Variants in RBM47 observed in about 807,000 individuals in gnomAD.
RBM47 encodes the protein RNA binding motif protein 47.
In RBM47, 21 loss-of-function variants were observed where a neutral mutation model predicts 47.1. The observed-to-expected ratio is 0.45, with a 90% confidence interval of 0.32 to 0.64. The LOEUF (loss-of-function observed/expected upper bound fraction) is 0.64, where lower values mean the gene tolerates loss of function less well. Among genes scored for constraint, RBM47 ranks in the 30% least tolerant of loss-of-function variants. RBM47 has a pLI of 0.05. For missense variants in RBM47, 708 were observed against 870.9 expected, an observed-to-expected ratio of 0.81 and a Z score of 2.35; for synonymous variants, 375 against 361.7, an observed-to-expected ratio of 1.04 and a Z score of -0.42.
chr4:40,452,865 A>T (rs1313405949), intron 3 of RBM47, among the ~76,000 whole-genome samples: 1 of 136,430 alleles, frequency 7.3e-6, no homozygotes, highest in Non-Finnish European at 1.6e-5. Flanking sequence ...TTTTTTTAAG[A>T]CAGAGTCTGA....
At position 40,592,960 on chromosome 4, in the gene RBM47, TATATATATATATATATATA is replaced by T. The variant is rs1412569457; in HGVS notation, c.-240+36417_-240+36435del. Among the ~76,000 whole-genome samples, 56 of 15,628 alleles carry T rather than the reference TATATATATATATATATATA, an allele frequency of 3.6e-3. 2 individuals carry two copies. The highest frequency in any genetic ancestry group is 8.3e-3 in the African/African-American group (34 of 4,110). 10.3% of individuals were successfully genotyped at this position (15,628 alleles called of 152,430 possible). On this transcript the variant is annotated intron_variant, in intron 1 of 6. Coordinates refer to ENST00000295971, the MANE Select transcript of RBM47 (RefSeq NM_001098634.2). The stretch of plus-strand genomic sequence containing the variant: ...ACATATATATATATATATATATATA[TATATATATATATATATATA>T]TTTTTTTTTTTTTTTTTTTTTTTTT...
intron 1 of RBM47, among the ~76,000 whole-genome samples, chr4:40,574,245 A>G (rs1049351671): frequency 2.0e-5 from 3 of 152,234 alleles, no homozygotes; most frequent in Non-Finnish European, 4.4e-5. Flanking sequence ...TCATTATTTC[A>G]GAAATAGACT....
intron 1 of RBM47, among the ~76,000 whole-genome samples, chr4:40,562,461 A>G (rs1415923455): frequency 8.8e-6 from 1 of 113,750 alleles, no homozygotes; most frequent in Non-Finnish European, 1.8e-5. Context: ...ACTTCTCCCT[A>G]TTTTTTTTTT....
chr4:40,623,181 G>GT (rs1737425046), intron 1 of RBM47, among the ~76,000 whole-genome samples: 1 of 152,156 alleles, frequency 6.6e-6, no homozygotes, highest in Non-Finnish European at 1.5e-5. Context: ...GGCAGTTTCT[G>GT]TTTACTCATT....
rs779152879 is a variant in RBM47, at chr4:40,438,342, G to A, written c.552C>T (p.Tyr184=). 1.1e-5 allele frequency: 18 copies of A among 1,610,550 alleles called. No individual in the cohort carries two copies. Among genetic ancestry groups the A allele is most frequent in the African/African-American group, 5.3e-5 (4 of 74,930 alleles). Residue 184 remains tyrosine, a synonymous_variant, in exon 4 of 7, where the codon TAC becomes TAT. Coordinates refer to ENST00000295971, the MANE Select transcript of RBM47 (RefSeq NM_001098634.2). The part of the protein sequence containing the change: ...VTEGVLDVIV[Y]ASAADKMKNR... The stretch of plus-strand genomic sequence containing the variant: ...TCTTCATCTTGTCGGCCGCGCTGGC[G>A]TAGACGATCACGTCCAGCACGCCCT...
At chr4:40,476,057 C>T (rs1331540914) in intron 2 of RBM47, among the ~76,000 whole-genome samples, 1 of 152,118 alleles carries the variant, frequency 6.6e-6, no homozygotes, top group Non-Finnish European at 1.5e-5. Flanking sequence ...ACCCAAATAA[C>T]GACCGTAAGG....
At chr4:40,562,674 C>T (rs1214960105) in intron 1 of RBM47, among the ~76,000 whole-genome samples, 1 of 152,058 alleles carries the variant, frequency 6.6e-6, no homozygotes, top group Non-Finnish European at 1.5e-5. Context: ...CCATGTTAGC[C>T]AGGCTGTTCT....
intron 1 of RBM47, among the ~76,000 whole-genome samples, chr4:40,557,654 C>G (rs1283141695): frequency 1.3e-5 from 2 of 152,086 alleles, no homozygotes; most frequent in Non-Finnish European, 2.9e-5. Context: ...GATGCTGAAG[C>G]AGGAGAATCG....
chr4:40,481,276 CTTTT>C (rs1236509834), intron 2 of RBM47, among the ~76,000 whole-genome samples: 1 of 119,520 alleles, frequency 8.4e-6, no homozygotes, highest in Admixed American at 8.5e-5. Flanking sequence ...TTGTTTCTTT[CTTTT>C]TTTTTTTTTT....
chr4:40,610,179 C>T (rs1342302685), intron 1 of RBM47, among the ~76,000 whole-genome samples: 1 of 152,162 alleles, frequency 6.6e-6, no homozygotes, highest in Non-Finnish European at 1.5e-5. Flanking sequence ...GGTTCAACTC[C>T]GAGTTCTGCC....
At chr4:40,551,906 C>A (rs1729602698) in intron 1 of RBM47, among the ~76,000 whole-genome samples, 1 of 151,904 alleles carries the variant, frequency 6.6e-6, no homozygotes, top group African/African-American at 2.4e-5. Flanking sequence ...GCCTTGGCCT[C>A]CCAAAGCGCT....
chr4:40,588,301 C>T (rs954434896), intron 1 of RBM47, among the ~76,000 whole-genome samples: 3 of 152,114 alleles, frequency 2.0e-5, no homozygotes, highest in African/African-American at 7.2e-5. Context: ...TAAAATGCAA[C>T]GCTCCTCAAC....
chr4:40,465,904 T>C (rs1717941007), intron 3 of RBM47, among the ~76,000 whole-genome samples: 2 of 152,114 alleles, frequency 1.3e-5, no homozygotes, highest in African/African-American at 4.8e-5. Flanking sequence ...ACTATCACAC[T>C]GAATCCTAGT....
rs1033914733 is a variant in RBM47, at chr4:40,424,512, A to G, written c.*1392T>C. On this transcript the variant is annotated 3_prime_UTR_variant, in exon 7 of 7. Transcript: ENST00000295971. Reference sequence around the variant, plus strand: ...ATGGTTTCATTTTGCATTAAACTACATACCATGAACTTCTCCAACATAAAA... The same window carrying G: ...ATGGTTTCATTTTGCATTAAACTACGTACCATGAACTTCTCCAACATAAAA... The G allele has an allele frequency of 6.6e-6, 1 of 152,512 alleles. No individual in the cohort carries two copies. The highest frequency in any genetic ancestry group is 1.5e-5 in the Non-Finnish European group (1 of 68,032). 9.4% of individuals were successfully genotyped at this position (152,512 alleles called of 1,614,324 possible). A position where few individuals can be genotyped will look rare whatever the true frequency, so the allele number is the denominator to read the frequency against.
At chr4:40,454,363 T>C (rs1330604312) in intron 3 of RBM47, among the ~76,000 whole-genome samples, 1 of 152,234 alleles carries the variant, frequency 6.6e-6, no homozygotes, top group African/African-American at 2.4e-5. Context: ...GTAATAATTA[T>C]CGCTATCTCA....
At chr4:40,598,870 T>C (rs1354504670) in intron 1 of RBM47, among the ~76,000 whole-genome samples, 1 of 141,544 alleles carries the variant, frequency 7.1e-6, no homozygotes, top group Non-Finnish European at 1.5e-5. Context: ...AAAAAAAGAG[T>C]TGGGGAGGAG....
In RBM47 at chr4:40,541,601, G is replaced by A. The variant is rs1035407669; in HGVS notation, c.-155+2821C>T. On this transcript the variant is annotated intron_variant, in intron 2 of 6. Transcript: ENST00000295971. ...AAAAATACAACAAATTAGCCGGTGT[G>A]GTGGCGCATGCCTATAATCCCAGCT... Among the ~76,000 whole-genome samples the A allele has an allele frequency of 3.3e-5, 5 of 152,264 alleles. No homozygotes were observed. The South Asian group carries it at 1.0e-3, about 32-fold the overall frequency.
chr4:40,448,054 A>T (rs1402270010), intron 3 of RBM47, among the ~76,000 whole-genome samples: 1 of 151,032 alleles, frequency 6.6e-6, no homozygotes, highest in African/African-American at 2.4e-5. Flanking sequence ...ACAAGTAGCC[A>T]GGCATGGTGG....
At chr4:40,609,461 C>T (rs1024191656) in intron 1 of RBM47, among the ~76,000 whole-genome samples, 2 of 151,182 alleles carry the variant, frequency 1.3e-5, no homozygotes, top group African/African-American at 2.4e-5. Flanking sequence ...TACAGGCACC[C>T]GCCACCACGC....
Sources: gnomAD v4.1 joint callset for allele counts (sites outside exome capture counted in the v4.1 genomes callset) on GRCh38, gnomAD v4.1.1 for gene constraint, MANE v1.5 for transcripts, NCBI Gene and HGNC (gene_info 2026-07-23, HGNC 2026-07-21) for gene names.